The following SLC27A6 variants were observed in gnomAD, a reference collection of about 807,000 sequenced individuals.
SLC27A6 encodes solute carrier family 27 member 6, also known as long-chain fatty acid transport protein 6.
A neutral mutation model predicts 63.9 loss-of-function variants in SLC27A6; 74 were observed. That is an observed-to-expected ratio of 1.16 (90% CI 0.96 to 1.40). The LOEUF (loss-of-function observed/expected upper bound fraction) is 1.40. Among genes scored for constraint, SLC27A6 ranks in the 40% most tolerant of loss-of-function variants. The pLI, the probability that SLC27A6 is intolerant of heterozygous loss-of-function variation, is 0.00. For missense variants in SLC27A6, 794 were observed against 732.9 expected (o/e 1.08, Z -0.96); for synonymous variants, 287 against 260.8 (o/e 1.10, Z -0.97).
rs1385101287 is a variant in SLC27A6 at position 129,023,716 on chromosome 5, A to G, written c.1255+6A>G. The G allele has an allele frequency of 6.3e-7, 1 of 1,591,580 alleles. No homozygotes were observed. The highest frequency in any genetic ancestry group is 1.1e-5 in the South Asian group (1 of 89,338). On this transcript the variant is annotated splice_donor_region_variant and intron_variant, in intron 6 of 9. Coordinates refer to ENST00000262462, the MANE Select transcript of SLC27A6 (RefSeq NM_001017372.3). ...GTGTATTCATGTGAAAAAAGGTAAG[A>G]CTTCTATTTGAAGACATCTCCTCAA... is the stretch of plus-strand genomic sequence containing the variant.
intron 2 of SLC27A6, among the ~76,000 whole-genome samples, chr5:128,986,551 C>A (rs551082736): frequency 1.3e-5 from 2 of 152,202 alleles, no homozygotes; most frequent in East Asian, 3.9e-4. Flanking sequence ...TAATTGTAAT[C>A]CCTTTTAGAC....
chr5:129,014,121 T>G (rs1199239812), intron 4 of SLC27A6, among the ~76,000 whole-genome samples: 1 of 152,198 alleles, frequency 6.6e-6, no homozygotes, highest in African/African-American at 2.4e-5. Context: ...GAAAAGAGTT[T>G]AGTGATCTCA....
intron 1 of SLC27A6, among the ~76,000 whole-genome samples, chr5:128,970,714 T>C (rs1045321344): frequency 1.4e-4 from 21 of 152,010 alleles, no homozygotes; most frequent in Non-Finnish European, 2.9e-4. Flanking sequence ...AACCAGCTCC[T>C]GGATTCTTTG....
intron 1 of SLC27A6, among the ~76,000 whole-genome samples, chr5:128,971,789 G>A (rs1459806804): frequency 3.9e-5 from 6 of 152,100 alleles, no homozygotes; most frequent in African/African-American, 1.2e-4. Context: ...TTATGTGTGA[G>A]TCTGATCCTA....
chr5:129,013,274 G>A (rs1157995303), intron 4 of SLC27A6, among the ~76,000 whole-genome samples: 2 of 151,514 alleles, frequency 1.3e-5, no homozygotes, highest in Non-Finnish European at 2.9e-5. Flanking sequence ...TTGTTTCTTT[G>A]CTCCTGTATA....
At chr5:129,013,323 T>C (rs1288187669) in intron 4 of SLC27A6, among the ~76,000 whole-genome samples, 1 of 152,130 alleles carries the variant, frequency 6.6e-6, no homozygotes, top group African/African-American at 2.4e-5. Context: ...CCTTTAGTGT[T>C]CCATCTGTAC....
intron 4 of SLC27A6, among the ~76,000 whole-genome samples, chr5:129,008,016 A>G (rs1751601561): frequency 6.6e-6 from 1 of 152,048 alleles, no homozygotes; most frequent in African/African-American, 2.4e-5. Context: ...CTTTTAATGT[A>G]TATATAGATA....
At chr5:129,022,149 G>A (rs1752094733) in intron 5 of SLC27A6, among the ~76,000 whole-genome samples, 1 of 152,132 alleles carries the variant, frequency 6.6e-6, no homozygotes, top group Non-Finnish European at 1.5e-5. Context: ...AGACCAACAA[G>A]ATGCAAGTTC....
chr5:128,980,629 C>CT, intron 1 of SLC27A6, among the ~76,000 whole-genome samples: 1 of 152,294 alleles, frequency 6.6e-6, no homozygotes. Flanking sequence ...TTGAACTGCT[C>CT]TACATAGTAG....
At chr5:129,029,209 C>T (rs1174272874) in intron 8 of SLC27A6, among the ~76,000 whole-genome samples, 1 of 152,058 alleles carries the variant, frequency 6.6e-6, no homozygotes, top group African/African-American at 2.4e-5. Context: ...TCATATTTTA[C>T]ATTAAAGCTT....
chr5:129,031,686 TATG>T (rs1444058040), intron 9 of SLC27A6, among the ~76,000 whole-genome samples: 2 of 151,978 alleles, frequency 1.3e-5, no homozygotes, highest in African/African-American at 4.8e-5. Flanking sequence ...TTAATTAAAA[TATG>T]ATAATTAAAT....
intron 1 of SLC27A6, among the ~76,000 whole-genome samples, chr5:128,974,551 C>A (rs1439039146): frequency 6.6e-6 from 1 of 152,156 alleles, no homozygotes; most frequent in Non-Finnish European, 1.5e-5. Flanking sequence ...CATTTGTGAA[C>A]AATATAAACA....
chr5:128,966,659 C>G (rs901114672), intron 1 of SLC27A6, 41 bp downstream of exon 1: 3 of 1,425,816 alleles, frequency 2.1e-6, no homozygotes, highest in Non-Finnish European at 2.7e-6. Flanking sequence ...GAATGGCAGC[C>G]CACCTGCTTT....
intron 6 of SLC27A6, among the ~76,000 whole-genome samples, 175 bp downstream of exon 6, chr5:129,023,885 C>T (rs1580747291): frequency 6.6e-6 from 1 of 152,048 alleles, no homozygotes; most frequent in East Asian, 1.9e-4. Context: ...TGTGCACATC[C>T]TCCTGTATAC....
In SLC27A6 at chr5:128,966,162, C is replaced by T; in HGVS notation, c.25C>T (p.Leu9=). 1 of 1,567,486 alleles carries T rather than the reference C, an allele frequency of 6.4e-7. No individual in the cohort carries two copies. Among genetic ancestry groups the T allele is most frequent in the Non-Finnish European group, 8.6e-7 (1 of 1,159,548 alleles). The change falls in exon 1 of 10, where the codon CTA becomes TTA. Residue 9 remains leucine, a synonymous_variant. Coordinates refer to ENST00000262462, the MANE Select transcript of SLC27A6 (RefSeq NM_001017372.3). ...CATGCTTCTGTCATGGCTAACAGTTCTAGGGGCTGGAATGGTCGTCCTGCA... is the reference window on the plus strand; with the variant it reads ...CATGCTTCTGTCATGGCTAACAGTTTTAGGGGCTGGAATGGTCGTCCTGCA... MLLSWLTV[L]GAGMVVLHFL...
In SLC27A6 at chr5:129,015,804, A is replaced by G. The variant is rs531688788; in HGVS notation, c.970-81A>G. On this transcript the variant is annotated intron_variant, in intron 4 of 9. Transcript: ENST00000262462. ...TATTGCACATATGCAGTTTACGTCT[A>G]TGATATTTTTCATTTAAATAATAAT... 1.5e-4 allele frequency: 146 copies of G among 999,168 alleles called. 5 individuals carry two copies. The South Asian group carries it at 2.1e-3, about 14-fold the overall frequency. The allele number at this position is 999,168 out of a possible 1,614,324, so 61.9% of individuals were successfully genotyped here.
chr5:129,017,938 G>C (rs929910410), intron 5 of SLC27A6, among the ~76,000 whole-genome samples: 1 of 152,014 alleles, frequency 6.6e-6, no homozygotes, highest in Non-Finnish European at 1.5e-5. Flanking sequence ...AGATAATGCA[G>C]AAGGAGAAAA....
intron 1 of SLC27A6, among the ~76,000 whole-genome samples, chr5:128,977,009 T>C (rs1561611538): frequency 6.6e-6 from 1 of 152,056 alleles, no homozygotes; most frequent in Non-Finnish European, 1.5e-5. Context: ...CTTTTGGGAG[T>C]GATGATTAGT....
At chr5:128,978,076 A>G (rs549261148) in intron 1 of SLC27A6, among the ~76,000 whole-genome samples, 5 of 152,354 alleles carry the variant, frequency 3.3e-5, no homozygotes, top group South Asian at 2.1e-4. Context: ...TTCTAATCCA[A>G]AAATACACAG....
Sources: allele counts gnomAD v4.1 joint callset (sites outside exome capture counted in the v4.1 genomes callset), GRCh38; gene constraint gnomAD v4.1.1; transcripts MANE v1.5; gene names NCBI Gene and HGNC (gene_info 2026-07-23, HGNC 2026-07-21).